Variants in FBLN5 observed in about 807,000 individuals in gnomAD.
FBLN5 encodes fibulin-5.
FBLN5 carries 24 observed loss-of-function variants against 61.6 expected under a neutral mutation model. The ratio of observed to expected loss-of-function variants is 0.39; its 90% CI spans 0.28 to 0.55. The LOEUF is 0.55. FBLN5 is among the 20% of genes least tolerant of loss of function. The pLI is 0.65. For missense variants in FBLN5, 470 were observed against 594.1 expected, an observed-to-expected ratio of 0.79 and a Z score of 2.17; for synonymous variants, 213 against 219.8, an observed-to-expected ratio of 0.97 and a Z score of 0.27.
intron 4 of FBLN5, among the ~76,000 whole-genome samples, chr14:91,904,517 T>A (rs1890593661): frequency 6.6e-6 from 1 of 152,260 alleles, no homozygotes; most frequent in Admixed American, 6.5e-5. Context: ...TATGCGTGTC[T>A]TAGTCCTGTG....
At chr14:91,910,988 A>ATT (rs34810596) in intron 4 of FBLN5, among the ~76,000 whole-genome samples, 2,044 of 147,748 alleles carry the variant, frequency 0.014, 40 homozygotes, top group African/African-American at 0.044. Flanking sequence ...TAGCTTTGTA[A>ATT]TTTTTTTTTT....
At chr14:91,872,048 A>G (rs1888958824) in intron 10 of FBLN5, among the ~76,000 whole-genome samples, 1 of 152,140 alleles carries the variant, frequency 6.6e-6, no homozygotes, top group Non-Finnish European at 1.5e-5. Context: ...ATTGAGAAAT[A>G]TTGATCTAAA....
chr14:91,887,106 G>C (rs1393115352), intron 7 of FBLN5, 87 bp downstream of exon 7: 1 of 1,448,572 alleles, frequency 6.9e-7, no homozygotes. Context: ...GAAATGAGAG[G>C]AAACACCTAT....
intron 5 of FBLN5, among the ~76,000 whole-genome samples, chr14:91,892,623 G>A (rs907553599): frequency 2.0e-5 from 3 of 152,210 alleles, no homozygotes; most frequent in African/African-American, 7.2e-5. Context: ...AGGGCCCATT[G>A]GCTGTACAGT....
chr14:91,883,678 A>C (rs12891887), intron 7 of FBLN5, among the ~76,000 whole-genome samples: 5 of 148,258 alleles, frequency 3.4e-5, no homozygotes, highest in East Asian at 2.0e-4. Flanking sequence ...CACACACACA[A>C]AAACAAAAAC....
intron 1 of FBLN5, chr14:91,946,789 C>G (rs542515427): frequency 6.5e-6 from 10 of 1,535,980 alleles, no homozygotes; most frequent in Non-Finnish European, 7.8e-6. Flanking sequence ...AGAGCAAATC[C>G]AGCCCCGCGG....
chr14:91,931,283 T>G (rs2055918303), intron 4 of FBLN5, among the ~76,000 whole-genome samples: 1 of 152,204 alleles, frequency 6.6e-6, no homozygotes, highest in African/African-American at 2.4e-5. Flanking sequence ...TGCTTGTGCT[T>G]GTGTTGCGTT....
At chr14:91,908,648 C>T (rs1381707830) in intron 4 of FBLN5, among the ~76,000 whole-genome samples, 1 of 152,198 alleles carries the variant, frequency 6.6e-6, no homozygotes, top group Non-Finnish European at 1.5e-5. Context: ...ATTTAGAAAT[C>T]ACCTAGTCCA....
chr14:91,891,363 G>C (rs1422323652), intron 5 of FBLN5, 26 bp from the exon 6 acceptor site: 5 of 1,423,884 alleles, frequency 3.5e-6, no homozygotes. Flanking sequence ...CAAGCAAAGT[G>C]AGACAGGTCT....
chr14:91,941,178 T>A (rs1306056301), intron 2 of FBLN5, among the ~76,000 whole-genome samples: 2 of 152,178 alleles, frequency 1.3e-5, no homozygotes, highest in Non-Finnish European at 2.9e-5. Context: ...TATGAGTTAT[T>A]TGCCCCCATG....
At chr14:91,898,945 G>A (rs1890341312) in intron 4 of FBLN5, among the ~76,000 whole-genome samples, 1 of 151,686 alleles carries the variant, frequency 6.6e-6, no homozygotes, top group African/African-American at 2.4e-5. Context: ...GGGACTACAG[G>A]TGCCCACCAC....
Position 91,942,922 on chromosome 14 carries a change from G to C in FBLN5, c.57C>G (p.Ser19Arg). ...TVTILALCLP[S>R]PGNAQAQCTN... ...AAAATCTTACCTGTGCATTCCCAGGGCTTGGAAGACAGAGAGCCAGAATGG... is the reference window on the plus strand; with the variant it reads ...AAAATCTTACCTGTGCATTCCCAGGCCTTGGAAGACAGAGAGCCAGAATGG... The change falls in exon 2 of 11, where the codon AGC (serine) becomes AGG (arginine). Residue 19 changes from serine (S) to arginine (R), a missense_variant. By Grantham distance (110) the Ser-to-Arg change is moderately radical. Transcript: ENST00000342058. 6.5e-7 allele frequency: 1 copy of C among 1,547,300 alleles called. No homozygotes were observed. The highest frequency in any genetic ancestry group is 8.8e-7 in the Non-Finnish European group (1 of 1,142,318).
chr14:91,905,255 T>C (rs1890634680), intron 4 of FBLN5, among the ~76,000 whole-genome samples: 1 of 152,190 alleles, frequency 6.6e-6, no homozygotes, highest in Non-Finnish European at 1.5e-5. Flanking sequence ...AGTGACCTTC[T>C]GCATGGCAGC....
At chr14:91,927,128 A>T (rs560216677) in intron 4 of FBLN5, among the ~76,000 whole-genome samples, 10 of 152,312 alleles carry the variant, frequency 6.6e-5, no homozygotes, top group African/African-American at 2.4e-4. Context: ...CTATGGGATG[A>T]TATTTACATG....
At chr14:91,926,148 C>A (rs79034399) in intron 4 of FBLN5, among the ~76,000 whole-genome samples, 1 of 152,336 alleles carries the variant, frequency 6.6e-6, no homozygotes, top group East Asian at 1.9e-4. Flanking sequence ...CCCTGCCAGG[C>A]ACCCCACCCA....
chr14:91,937,993 T>TAC, intron 3 of FBLN5, among the ~76,000 whole-genome samples: 1 of 152,330 alleles, frequency 6.6e-6, no homozygotes, highest in African/African-American at 2.4e-5. Flanking sequence ...AAAATAAATA[T>TAC]ACACTATTAA....
In FBLN5 at chr14:91,882,304, G is replaced by A. The variant is rs1462564052; in HGVS notation, c.862+650C>T. ...GCTCACATGATATTTCTATTGCCTG[G>A]CACTACTACGGAGAATTCTTGCTTG... is the stretch of plus-strand genomic sequence containing the variant. On this transcript the variant is annotated intron_variant, in intron 8 of 10. Coordinates refer to ENST00000342058, the MANE Select transcript of FBLN5 (RefSeq NM_006329.4). This position sits in a 1 kb window ranked among gnomAD's most constrained non-coding sequence, Gnocchi z 4.9. Among the ~76,000 whole-genome samples, 2 of 152,172 alleles carry A rather than the reference G, an allele frequency of 1.3e-5. No homozygotes were observed. Among genetic ancestry groups the A allele is most frequent in the Non-Finnish European group, 2.9e-5 (2 of 68,040 alleles).
chr14:91,898,790 T>C (rs1333762616), intron 4 of FBLN5, among the ~76,000 whole-genome samples: 2 of 149,078 alleles, frequency 1.3e-5, no homozygotes, highest in Non-Finnish European at 1.5e-5. Flanking sequence ...CATTCATTCA[T>C]TCATTCTTTT....
intron 6 of FBLN5, among the ~76,000 whole-genome samples, chr14:91,889,672 T>C (rs529407301): frequency 4.7e-4 from 71 of 152,360 alleles, no homozygotes; most frequent in African/African-American, 1.7e-3. Context: ...TACAGCACTC[T>C]TCCACACACG....
Sources: gnomAD v4.1 joint callset for allele counts (sites outside exome capture counted in the v4.1 genomes callset) on GRCh38, gnomAD v4.1.1 for gene constraint, Gnocchi (gnomAD v3.1) non-coding constraint, MANE v1.5 for transcripts, NCBI Gene and HGNC (gene_info 2026-07-23, HGNC 2026-07-21) for gene names.